AKAP19: variants seen among roughly 807,000 people sequenced by gnomAD.
AKAP19 encodes the protein small A-kinase anchoring protein.
At chr2:190,047,344 A>G in the AKAP19 span, among the ~76,000 whole-genome samples, 1 of 151,958 alleles carries the variant, frequency 6.6e-6, no homozygotes, top group Non-Finnish European at 1.5e-5. Context: ...ACTTTTCTTC[A>G]TCATTAAAGA....
chr2:189,924,116 G>A, the AKAP19 span: 7 of 1,426,582 alleles, frequency 4.9e-6, no homozygotes, highest in South Asian at 8.2e-5. Flanking sequence ...TGATAATGAA[G>A]ATGGGGGGAT....
At chr2:189,982,300 T>C in the AKAP19 span, among the ~76,000 whole-genome samples, 6 of 152,292 alleles carry the variant, frequency 3.9e-5, no homozygotes, top group Admixed American at 2.0e-4. Flanking sequence ...ATTGTTAAAG[T>C]TTTCAACTGT....
At chr2:190,049,946 C>G in the AKAP19 span, among the ~76,000 whole-genome samples, 1 of 152,122 alleles carries the variant, frequency 6.6e-6, no homozygotes, top group Non-Finnish European at 1.5e-5. Context: ...AAAATAATAA[C>G]TCTAGTTTTA....
the AKAP19 span, among the ~76,000 whole-genome samples, chr2:190,149,304 T>G: frequency 6.6e-6 from 1 of 152,104 alleles, no homozygotes; most frequent in Non-Finnish European, 1.5e-5. Flanking sequence ...ATCTTTTGTA[T>G]TTTTTTGTTT....
the AKAP19 span, among the ~76,000 whole-genome samples, chr2:190,108,623 A>C: frequency 6.6e-6 from 1 of 152,200 alleles, no homozygotes; most frequent in Non-Finnish European, 1.5e-5. Context: ...GAGTATGAGA[A>C]GGTCTCAAAT....
At chr2:190,188,418 C>T in the AKAP19 span, among the ~76,000 whole-genome samples, 3 of 152,320 alleles carry the variant, frequency 2.0e-5, no homozygotes, top group South Asian at 2.1e-4. Flanking sequence ...GGTTGATATG[C>T]AGCATTTAAT....
At chr2:189,923,260 A>G in the AKAP19 span, 26 of 1,434,896 alleles carry the variant, frequency 1.8e-5, no homozygotes, top group African/African-American at 3.4e-4. Flanking sequence ...ACCCGGGAGT[A>G]GGAGACTCAG....
chr2:189,911,451 G>T, the AKAP19 span, among the ~76,000 whole-genome samples: 2 of 152,066 alleles, frequency 1.3e-5, no homozygotes, highest in African/African-American at 2.4e-5. Flanking sequence ...TTTATTATTT[G>T]ATAAGTGGTT....
chr2:189,963,282 C>T, the AKAP19 span, among the ~76,000 whole-genome samples: 1 of 150,578 alleles, frequency 6.6e-6, no homozygotes, highest in Admixed American at 6.6e-5. Context: ...GCAAGCTTCA[C>T]CTCCCAGGTT....
chr2:190,037,992 TA>T, the AKAP19 span, among the ~76,000 whole-genome samples: 1 of 152,232 alleles, frequency 6.6e-6, no homozygotes, highest in Non-Finnish European at 1.5e-5. Context: ...GCTTTTAAGA[TA>T]AATTTGGAGC....
the AKAP19 span, among the ~76,000 whole-genome samples, chr2:190,166,864 C>A: frequency 6.6e-6 from 1 of 151,588 alleles, no homozygotes; most frequent in Non-Finnish European, 1.5e-5. Flanking sequence ...ATTGCTACTG[C>A]TATTCAATTA....
the AKAP19 span, among the ~76,000 whole-genome samples, chr2:189,985,039 A>C: frequency 6.6e-6 from 1 of 152,202 alleles, no homozygotes; most frequent in African/African-American, 2.4e-5. Context: ...GTCCTGGGTC[A>C]TGAAGGCAGA....
the AKAP19 span, among the ~76,000 whole-genome samples, chr2:189,911,113 A>T: frequency 6.6e-6 from 1 of 152,106 alleles, no homozygotes; most frequent in Admixed American, 6.5e-5. Context: ...GGAAGGAAAG[A>T]AGACTACTTA....
the AKAP19 span, among the ~76,000 whole-genome samples, chr2:190,152,425 A>C: frequency 6.6e-6 from 1 of 152,172 alleles, no homozygotes; most frequent in Non-Finnish European, 1.5e-5. Flanking sequence ...TGCAGTCTTC[A>C]TTGTGCACTA....
the AKAP19 span, among the ~76,000 whole-genome samples, chr2:190,094,497 T>A: frequency 6.6e-6 from 1 of 152,254 alleles, no homozygotes; most frequent in South Asian, 2.1e-4. Flanking sequence ...ACTCTTTCCA[T>A]GCAGCTTAGG....
chr2:189,886,017 C>T, the AKAP19 span, among the ~76,000 whole-genome samples: 4 of 152,108 alleles, frequency 2.6e-5, no homozygotes, highest in Non-Finnish European at 4.4e-5. Flanking sequence ...CCATGTTGGC[C>T]AGGCTGGTCT....
chr2:189,975,579 C>T, the AKAP19 span, among the ~76,000 whole-genome samples: 3 of 152,298 alleles, frequency 2.0e-5, no homozygotes, highest in South Asian at 2.1e-4. Context: ...AGAGTGTTTT[C>T]CAACTTGGTT....
the AKAP19 span, among the ~76,000 whole-genome samples, chr2:190,042,819 T>C: frequency 0.021 from 3,184 of 152,286 alleles, 85 homozygotes; most frequent in African/African-American, 0.054. Context: ...TGTGTTAAGG[T>C]ATTAGCTGGC....
the AKAP19 span, among the ~76,000 whole-genome samples, chr2:189,965,788 C>T: frequency 6.6e-6 from 1 of 152,144 alleles, no homozygotes. Context: ...ATCCAGCAAT[C>T]CCACTACTAG....
Sources: gnomAD v4.1 joint callset for allele counts (sites outside exome capture counted in the v4.1 genomes callset) on GRCh38, gnomAD v4.1.1 for gene constraint, MANE v1.5 for transcripts, NCBI Gene and HGNC (gene_info 2026-07-23, HGNC 2026-07-21) for gene names.